SH3RF1: variants seen among roughly 807,000 people sequenced by gnomAD.
SH3RF1 encodes SH3 domain containing ring finger 1.
In SH3RF1, 32 loss-of-function variants were observed where a neutral mutation model predicts 74.0. The observed-to-expected ratio is 0.43, with a 90% CI of 0.33 to 0.58. The LOEUF (loss-of-function observed/expected upper bound fraction) is 0.58, where lower values mean the gene tolerates loss of function less well. Among genes scored for constraint, SH3RF1 ranks in the 20% least tolerant of loss-of-function variants. SH3RF1 has a pLI of 0.05. For missense variants in SH3RF1, 954 were observed against 1,130.9 expected (o/e 0.84, Z 2.24); for synonymous variants, 396 against 439.6 (o/e 0.90, Z 1.24).
chr4:169,261,176 C>T (rs1045975405), intron 2 of SH3RF1, among the ~76,000 whole-genome samples: 4 of 152,152 alleles, frequency 2.6e-5, no homozygotes, highest in African/African-American at 9.7e-5. Flanking sequence ...CCCAGAGAAA[C>T]CCCACAGCCA....
chr4:169,224,131 T>C (rs947364380), intron 2 of SH3RF1, among the ~76,000 whole-genome samples: 1 of 152,184 alleles, frequency 6.6e-6, no homozygotes, highest in Non-Finnish European at 1.5e-5. Context: ...GCTCCACTAA[T>C]TTCTAAACAC....
At position 169,196,330 on chromosome 4, in the gene SH3RF1, A is replaced by G. The variant is rs568547023; in HGVS notation, c.394-39651T>C. Among the ~76,000 whole-genome samples the G allele has an allele frequency of 3.9e-5, 6 of 152,266 alleles. No homozygotes were observed. The East Asian group carries it at 1.2e-3, about 29-fold the overall frequency. On this transcript the variant is annotated intron_variant, in intron 2 of 11. Transcript: ENST00000284637. ...AAATTAAGCCAATTTTTTCTTATCA[A>G]CATTACAATGAAACACATTGAACAA...
intron 10 of SH3RF1, among the ~76,000 whole-genome samples, chr4:169,114,894 AGGT>A (rs1733305873): frequency 1.3e-5 from 2 of 152,206 alleles, no homozygotes; most frequent in Non-Finnish European, 2.9e-5. Flanking sequence ...CCACTTAACC[AGGT>A]GGCTAAAAGT....
At chr4:169,160,120 C>T (rs1734127940) in intron 2 of SH3RF1, among the ~76,000 whole-genome samples, 1 of 152,116 alleles carries the variant, frequency 6.6e-6, no homozygotes, top group African/African-American at 2.4e-5. Context: ...TTTTCCCTAC[C>T]TCAATTAGCT....
chr4:169,124,626 T>G (rs1733495553), intron 6 of SH3RF1, among the ~76,000 whole-genome samples: 1 of 152,220 alleles, frequency 6.6e-6, no homozygotes, highest in Non-Finnish European at 1.5e-5. Flanking sequence ...TAAATTTGTG[T>G]GTATGTGAGC....
At chr4:169,170,244 G>A (rs1177362244) in intron 2 of SH3RF1, among the ~76,000 whole-genome samples, 1 of 152,076 alleles carries the variant, frequency 6.6e-6, no homozygotes, top group Non-Finnish European at 1.5e-5. Context: ...CAACCAAAAT[G>A]AACCATTTAT....
chr4:169,263,446 C>T (rs1332275476), intron 2 of SH3RF1, among the ~76,000 whole-genome samples: 1 of 152,170 alleles, frequency 6.6e-6, no homozygotes, highest in Non-Finnish European at 1.5e-5. Context: ...CATAACTGGA[C>T]CTGAAAGCTC....
intron 10 of SH3RF1, among the ~76,000 whole-genome samples, chr4:169,107,965 G>A (rs1189295238): frequency 6.6e-6 from 1 of 152,138 alleles, no homozygotes; most frequent in Non-Finnish European, 1.5e-5. Flanking sequence ...TTGTTTGTTT[G>A]TTTGTTTGTT....
chr4:169,221,672 G>T (rs1730566234), intron 2 of SH3RF1, among the ~76,000 whole-genome samples: 1 of 151,788 alleles, frequency 6.6e-6, no homozygotes, highest in South Asian at 2.1e-4. Flanking sequence ...TAAAATAAAG[G>T]CAACATATTT....
chr4:169,226,135 T>C (rs1422697012), intron 2 of SH3RF1, among the ~76,000 whole-genome samples: 1 of 152,172 alleles, frequency 6.6e-6, no homozygotes, highest in Non-Finnish European at 1.5e-5. Flanking sequence ...TTGTGACTCA[T>C]AGTTTGTCTC....
At chr4:169,216,618 A>C (rs1730468337) in intron 2 of SH3RF1, among the ~76,000 whole-genome samples, 1 of 152,156 alleles carries the variant, frequency 6.6e-6, no homozygotes, top group Non-Finnish European at 1.5e-5. Flanking sequence ...AGGTGGAAAA[A>C]TCAGTTGAGC....
At chr4:169,155,361 T>C (rs1399316792) in intron 4 of SH3RF1, 119 bp downstream of exon 4, 1 of 701,932 alleles carries the variant, frequency 1.4e-6, no homozygotes, top group South Asian at 1.7e-5. Flanking sequence ...CAGTGATCTG[T>C]AACAGGGCAT....
intron 2 of SH3RF1, among the ~76,000 whole-genome samples, chr4:169,260,716 CT>C (rs1433918680): frequency 1.3e-5 from 2 of 152,112 alleles, no homozygotes; most frequent in Non-Finnish European, 2.9e-5. Context: ...TAAATAAGGA[CT>C]GGAGCAATAG....
intron 2 of SH3RF1, among the ~76,000 whole-genome samples, chr4:169,227,756 C>T (rs1730674811): frequency 6.6e-6 from 1 of 152,168 alleles, no homozygotes; most frequent in African/African-American, 2.4e-5. Context: ...AGAACAGTGC[C>T]CATCGAAGCC....
At chr4:169,145,837 G>A (rs531053149) in intron 4 of SH3RF1, among the ~76,000 whole-genome samples, 2,904 of 87,706 alleles carry the variant, frequency 0.033, 135 homozygotes, top group East Asian at 0.11. Flanking sequence ...TATAAAATAT[G>A]TATTCTATAT....
chr4:169,194,873 C>T (rs984999748), intron 2 of SH3RF1, among the ~76,000 whole-genome samples: 10 of 152,202 alleles, frequency 6.6e-5, no homozygotes, highest in African/African-American at 2.4e-4. Flanking sequence ...TTTTGTCTCT[C>T]ATCTGTAACA....
rs1732895310 is a variant in SH3RF1 at position 169,095,213 on chromosome 4, T to C, written c.*1306A>G. ...TCTCCTGGTTAACTCATCCTTGATG[T>C]CTGTCTGCTGGGAGGACATAAAAGA... On this transcript the variant is annotated 3_prime_UTR_variant, in exon 12 of 12. Coordinates refer to ENST00000284637, the MANE Select transcript of SH3RF1 (RefSeq NM_020870.4). The C allele has an allele frequency of 6.6e-6, 1 of 152,662 alleles. No homozygotes were observed. The highest frequency in any genetic ancestry group is 2.4e-5 in the African/African-American group (1 of 41,446). 9.5% of individuals were successfully genotyped at this position (152,662 alleles called of 1,614,324 possible). A position where few individuals can be genotyped will look rare whatever the true frequency, so the allele number is the denominator to read the frequency against.
At chr4:169,113,013 A>C (rs1349451434) in intron 10 of SH3RF1, among the ~76,000 whole-genome samples, 1 of 152,240 alleles carries the variant, frequency 6.6e-6, no homozygotes, top group Non-Finnish European at 1.5e-5. Flanking sequence ...AGAGAAAAAT[A>C]GCAGAAGAAA....
chr4:169,223,776 G>C (rs937956475), intron 2 of SH3RF1, among the ~76,000 whole-genome samples: 1 of 152,200 alleles, frequency 6.6e-6, no homozygotes, highest in Non-Finnish European at 1.5e-5. Context: ...AGCACAGTGG[G>C]TGGAGATAGG....
Sources: allele counts gnomAD v4.1 joint callset (sites outside exome capture counted in the v4.1 genomes callset), GRCh38; gene constraint gnomAD v4.1.1; transcripts MANE v1.5; gene names NCBI Gene and HGNC (gene_info 2026-07-23, HGNC 2026-07-21).